RAD54L2: variants seen among roughly 807,000 people sequenced by gnomAD.
RAD54L2 encodes RAD54 like 2, also known as helicase ARIP4.
RAD54L2 carries 27 observed loss-of-function variants against 138.4 expected under a neutral mutation model. The observed-to-expected ratio is 0.20, with a 90% CI of 0.14 to 0.27. The LOEUF (loss-of-function observed/expected upper bound fraction) is 0.27, where lower values mean the gene tolerates loss of function less well. Ranked by LOEUF, RAD54L2 falls within the 10% of genes least tolerant of loss-of-function variation. RAD54L2 has a pLI of 1.00. For synonymous variants in RAD54L2, 644 were observed against 723.2 expected (o/e 0.89, Z 1.76); for missense variants, 1,396 against 1,890.2 (o/e 0.74, Z 4.85).
intron 3 of RAD54L2, among the ~76,000 whole-genome samples, chr3:51,618,955 TC>T (rs1700506617): frequency 6.6e-6 from 1 of 152,236 alleles, no homozygotes; most frequent in African/African-American, 2.4e-5. Context: ...CTAAGATTTT[TC>T]TAAGCTCTGT....
intron 15 of RAD54L2, 47 bp from the exon 16 acceptor site, chr3:51,643,828 T>A (rs1701202541): frequency 3.5e-6 from 5 of 1,416,228 alleles, no homozygotes; most frequent in Non-Finnish European, 4.9e-6. Context: ...TTGCTGTATA[T>A]CCTTGCTCTA....
chr3:51,587,250 G>A (rs1238196093), intron 2 of RAD54L2, among the ~76,000 whole-genome samples: 4 of 151,924 alleles, frequency 2.6e-5, no homozygotes, highest in Non-Finnish European at 5.9e-5. Flanking sequence ...ACAGGCGCCC[G>A]CCACCACGCC....
intron 9 of RAD54L2, among the ~76,000 whole-genome samples, chr3:51,634,897 A>G (rs902611205): frequency 2.0e-5 from 3 of 152,206 alleles, no homozygotes; most frequent in Non-Finnish European, 4.4e-5. Flanking sequence ...GATCCAACAA[A>G]CCAGCTCTAC....
chr3:51,606,054 C>T (rs1700173779), intron 3 of RAD54L2, among the ~76,000 whole-genome samples: 1 of 152,158 alleles, frequency 6.6e-6, no homozygotes, highest in Admixed American at 6.6e-5. Flanking sequence ...TGTGAGAGCA[C>T]TGCGATTTTG....
At chr3:51,558,710 A>G (rs910387439) in intron 2 of RAD54L2, among the ~76,000 whole-genome samples, 3 of 152,028 alleles carry the variant, frequency 2.0e-5, no homozygotes, top group Non-Finnish European at 2.9e-5. Flanking sequence ...GGCTCAAGCA[A>G]TCCTCCCATC....
chr3:51,545,640 C>T (rs1449225722), intron 2 of RAD54L2, among the ~76,000 whole-genome samples: 2 of 151,954 alleles, frequency 1.3e-5, no homozygotes, highest in Admixed American at 6.6e-5. Flanking sequence ...AGTACAGTGG[C>T]ATGATCATAG....
intron 3 of RAD54L2, among the ~76,000 whole-genome samples, chr3:51,591,106 C>T (rs1699830106): frequency 6.6e-6 from 1 of 152,190 alleles, no homozygotes; most frequent in South Asian, 2.1e-4. Context: ...ATTGCCCCTA[C>T]TGGGAGGGCA....
chr3:51,608,719 G>C (rs370290514), intron 3 of RAD54L2, among the ~76,000 whole-genome samples: 1 of 152,186 alleles, frequency 6.6e-6, no homozygotes. Context: ...CCAGGCACTC[G>C]GCAGGCTGAG....
At chr3:51,594,196 G>A (rs186160499) in intron 3 of RAD54L2, among the ~76,000 whole-genome samples, 150 of 148,624 alleles carry the variant, frequency 1.0e-3, no homozygotes, top group African/African-American at 3.5e-3. Flanking sequence ...TCAGCCTCCC[G>A]AGTAGTAGCT....
At position 51,591,673 on chromosome 3, in the gene RAD54L2, T is replaced by C. The variant is rs560758329; in HGVS notation, c.139+1114T>C. 2.6e-5 allele frequency among the ~76,000 whole-genome samples: 4 copies of C among 152,194 alleles called. No homozygotes were observed. The South Asian group carries it at 8.3e-4, about 31-fold the overall frequency. On this transcript the variant is annotated intron_variant, in intron 3 of 22. Coordinates refer to ENST00000684192, the MANE Select transcript of RAD54L2 (RefSeq NM_015106.4). ...CAGTTGGAGTCTCATTTCTAGAAAG[T>C]AGAATGAATAGAAATAATGGAAGAC...
chr3:51,647,544 C>T (rs190317725), intron 19 of RAD54L2, among the ~76,000 whole-genome samples: 28 of 152,198 alleles, frequency 1.8e-4, no homozygotes, highest in Non-Finnish European at 3.2e-4. Flanking sequence ...TGCTGTGTGC[C>T]TGTAATCCCA....
At chr3:51,660,674 T>C (rs1426883759) in intron 22 of RAD54L2, among the ~76,000 whole-genome samples, 1 of 150,604 alleles carries the variant, frequency 6.6e-6, no homozygotes, top group Non-Finnish European at 1.5e-5. Flanking sequence ...CAGGCTGGAG[T>C]GCAATGGTGC....
rs1032595686 is a variant in RAD54L2, at chr3:51,628,908, G to T, written c.342-426G>T. ...TTTTTGTATTTTTAGTAGAGACGGG[G>T]TTTTGCCGTGTTAGCCAGACTGGTC... On this transcript the variant is annotated intron_variant, in intron 4 of 22. Coordinates refer to ENST00000684192, the MANE Select transcript of RAD54L2 (RefSeq NM_015106.4). Among the ~76,000 whole-genome samples, 7 of 151,928 alleles carry T rather than the reference G, an allele frequency of 4.6e-5. No homozygotes were observed. The South Asian group carries it at 1.5e-3, about 32-fold the overall frequency.
intron 2 of RAD54L2, among the ~76,000 whole-genome samples, chr3:51,574,195 A>G (rs1490420003): frequency 1.3e-5 from 2 of 152,136 alleles, no homozygotes; most frequent in Non-Finnish European, 2.9e-5. Flanking sequence ...TTATGGCTGC[A>G]TAGTATTCCA....
At chr3:51,641,458 A>G (rs2106818183) in intron 14 of RAD54L2, among the ~76,000 whole-genome samples, 1 of 152,062 alleles carries the variant, frequency 6.6e-6, no homozygotes, top group African/African-American at 2.4e-5. Context: ...CTGGGATTAC[A>G]GGCGTGTGCC....
At chr3:51,630,675 T>G in intron 6 of RAD54L2, 30 bp from the exon 7 acceptor site, 1 of 1,570,074 alleles carries the variant, frequency 6.4e-7, no homozygotes, top group Non-Finnish European at 8.7e-7. Context: ...CTCCCTGGAT[T>G]TTTGGTTTTG....
intron 3 of RAD54L2, among the ~76,000 whole-genome samples, chr3:51,607,068 A>AT (rs567463593): frequency 1.7e-4 from 24 of 139,996 alleles, no homozygotes; most frequent in African/African-American, 3.4e-4. Flanking sequence ...TTCTCTTTTT[A>AT]TTTTTTTTTA....
Position 51,613,001 on chromosome 3 carries a change from G to A in RAD54L2, c.140-14552G>A, listed in dbSNP as rs773385197. ...GTTGCCCGGGCTGGAGTGTGGTGGC[G>A]CAATCTTGGCTCACTGCAAGCTCTG... On this transcript the variant is annotated intron_variant, in intron 3 of 22. Transcript: ENST00000684192. 7.2e-5 allele frequency among the ~76,000 whole-genome samples: 11 copies of A among 152,124 alleles called. No individual in the cohort carries two copies. The East Asian group carries it at 1.2e-3, about 16-fold the overall frequency.
chr3:51,617,966 CT>C (rs887021693), intron 3 of RAD54L2, among the ~76,000 whole-genome samples: 19 of 148,688 alleles, frequency 1.3e-4, no homozygotes, highest in East Asian at 2.0e-4. Context: ...ATATGTAAGT[CT>C]TTTTTTTTTG....
Sources: gnomAD v4.1 joint callset for allele counts (sites outside exome capture counted in the v4.1 genomes callset) on GRCh38, gnomAD v4.1.1 for gene constraint, MANE v1.5 for transcripts, NCBI Gene and HGNC (gene_info 2026-07-23, HGNC 2026-07-21) for gene names.